Variants in PCDH9 observed in about 807,000 individuals in gnomAD.
PCDH9 encodes protocadherin-9.
Under a neutral mutation model 70.6 loss-of-function variants are expected in PCDH9, and 24 were observed. The ratio of observed to expected loss-of-function variants is 0.34; its 90% CI spans 0.25 to 0.48. PCDH9 has a LOEUF of 0.48. Among genes scored for constraint, PCDH9 ranks in the 20% least tolerant of loss-of-function variants. PCDH9 has a pLI of 0.99. For missense variants in PCDH9, 1,281 were observed against 1,503.6 expected, an observed-to-expected ratio of 0.85 and a Z score of 2.45; for synonymous variants, 562 against 558.5, an observed-to-expected ratio of 1.01 and a Z score of -0.09.
chr13:67,114,473 A>G (rs1273804925), intron 2 of PCDH9, among the ~76,000 whole-genome samples: 1 of 152,220 alleles, frequency 6.6e-6, no homozygotes, highest in East Asian at 1.9e-4. Context: ...CTGCCAGTTT[A>G]TATAGTTTCA....
chr13:66,704,527 A>G (rs1467113525), intron 3 of PCDH9, among the ~76,000 whole-genome samples: 6 of 152,192 alleles, frequency 3.9e-5, no homozygotes, highest in Non-Finnish European at 5.9e-5. Context: ...CAATAAGGTA[A>G]GTCTCTGACA....
chr13:67,110,371 C>CA (rs2086633533), intron 2 of PCDH9, among the ~76,000 whole-genome samples: 1 of 151,528 alleles, frequency 6.6e-6, no homozygotes, highest in Non-Finnish European at 1.5e-5. Context: ...AAAAATTAGC[C>CA]GGGGTGGCAG....
chr13:66,323,608 T>G (rs1467646817), intron 4 of PCDH9: 4 of 150,418 alleles, frequency 2.7e-5, no homozygotes, highest in Non-Finnish European at 4.5e-5. Context: ...GTAGATTTTG[T>G]GGGCAGTGTA....
At chr13:66,493,415 C>G (rs1452583513) in intron 4 of PCDH9, among the ~76,000 whole-genome samples, 1 of 152,088 alleles carries the variant, frequency 6.6e-6, no homozygotes, top group Non-Finnish European at 1.5e-5. Flanking sequence ...GTAAACTTAG[C>G]ACATATCTAT....
chr13:67,079,481 T>C (rs886576748), intron 2 of PCDH9, among the ~76,000 whole-genome samples: 1 of 152,154 alleles, frequency 6.6e-6, no homozygotes, highest in African/African-American at 2.4e-5. Flanking sequence ...ATGAACCCTA[T>C]ATAATGTAGC....
At chr13:66,325,291 T>C (rs1955823056) in intron 4 of PCDH9, among the ~76,000 whole-genome samples, 1 of 152,064 alleles carries the variant, frequency 6.6e-6, no homozygotes, top group Non-Finnish European at 1.5e-5. Context: ...AAAGCTATTC[T>C]ATTAAGATGA....
intron 3 of PCDH9, among the ~76,000 whole-genome samples, chr13:66,748,412 G>T (rs1022003455): frequency 6.6e-5 from 10 of 152,134 alleles, no homozygotes; most frequent in African/African-American, 2.4e-4. Context: ...CAAAAAGGAA[G>T]GTTTAGGAAT....
At chr13:66,988,480 G>C (rs2083937740) in intron 2 of PCDH9, among the ~76,000 whole-genome samples, 2 of 151,922 alleles carry the variant, frequency 1.3e-5, no homozygotes, top group African/African-American at 4.8e-5. Context: ...AGAGAAGTTG[G>C]ACAAGGTGTT....
At chr13:66,572,627 G>C (rs997807355) in intron 4 of PCDH9, among the ~76,000 whole-genome samples, 1 of 152,122 alleles carries the variant, frequency 6.6e-6, no homozygotes. Flanking sequence ...AGCCACTTAG[G>C]TTGATTGTGT....
At chr13:66,785,213 G>A (rs963468669) in intron 3 of PCDH9, among the ~76,000 whole-genome samples, 1 of 151,924 alleles carries the variant, frequency 6.6e-6, no homozygotes, top group African/African-American at 2.4e-5. Context: ...ATTGGATATT[G>A]TAGGTTTGTC....
At chr13:67,207,566 A>G (rs1352273063) in intron 2 of PCDH9, 1 of 152,192 alleles carries the variant, frequency 6.6e-6, no homozygotes, top group African/African-American at 2.4e-5. Flanking sequence ...ATCTACTTTC[A>G]AGGCATTGCA....
chr13:66,621,743 C>A (rs1035355123), intron 4 of PCDH9, among the ~76,000 whole-genome samples: 1 of 152,248 alleles, frequency 6.6e-6, no homozygotes, highest in Non-Finnish European at 1.5e-5. Flanking sequence ...AGAAGTAGTT[C>A]TCTCACAAGT....
At chr13:66,834,576 T>C (rs2080984158) in intron 3 of PCDH9, among the ~76,000 whole-genome samples, 1 of 152,216 alleles carries the variant, frequency 6.6e-6, no homozygotes, top group African/African-American at 2.4e-5. Flanking sequence ...CCCTTGGACA[T>C]TTGCTTTGAA....
chr13:66,862,490 C>G (rs1246395983), intron 3 of PCDH9, among the ~76,000 whole-genome samples: 1 of 152,188 alleles, frequency 6.6e-6, no homozygotes, highest in Admixed American at 6.5e-5. Flanking sequence ...CATTGCTTAT[C>G]ACGGACTCCC....
intron 3 of PCDH9, among the ~76,000 whole-genome samples, chr13:66,801,923 C>T (rs2080332592): frequency 1.3e-5 from 2 of 151,882 alleles, no homozygotes; most frequent in Non-Finnish European, 2.9e-5. Flanking sequence ...AATTCCAAAT[C>T]AGGATAAGAA....
intron 3 of PCDH9, among the ~76,000 whole-genome samples, chr13:66,896,750 G>A (rs557849164): frequency 6.6e-6 from 1 of 152,246 alleles, no homozygotes; most frequent in South Asian, 2.1e-4. Flanking sequence ...AATAGCCACT[G>A]CAGTTTTGCA....
chr13:66,948,750 T>C (rs1218269474), intron 2 of PCDH9, among the ~76,000 whole-genome samples: 4 of 152,140 alleles, frequency 2.6e-5, no homozygotes, highest in Non-Finnish European at 5.9e-5. Context: ...AGGATATTAA[T>C]TGACTGTCTA....
intron 3 of PCDH9, among the ~76,000 whole-genome samples, chr13:66,789,952 T>C (rs2080138198): frequency 6.6e-6 from 1 of 152,134 alleles, no homozygotes; most frequent in South Asian, 2.1e-4. Flanking sequence ...GTTACCAATA[T>C]TGTTGTCAAC....
In PCDH9 at chr13:66,916,915, T is replaced by C. The variant is rs572686549; in HGVS notation, c.3037-13310A>G. 5.9e-5 allele frequency among the ~76,000 whole-genome samples: 9 copies of C among 151,656 alleles called. No homozygotes were observed. In the East Asian group the frequency reaches 1.7e-3, roughly 29 times the overall value. On this transcript the variant is annotated intron_variant, in intron 2 of 4. Coordinates refer to ENST00000377865, the MANE Select transcript of PCDH9 (RefSeq NM_203487.3). ...ATGCACACATACACCTAATAAAGTGTGCATTCAGCAAATAGTTACAAACTT... is the reference window on the plus strand; with the variant it reads ...ATGCACACATACACCTAATAAAGTGCGCATTCAGCAAATAGTTACAAACTT...
Sources: allele counts gnomAD v4.1 joint callset (sites outside exome capture counted in the v4.1 genomes callset), GRCh38; gene constraint gnomAD v4.1.1; transcripts MANE v1.5; gene names NCBI Gene and HGNC (gene_info 2026-07-23, HGNC 2026-07-21).